Variants in CDC42SE2 observed in about 807,000 individuals in gnomAD.
CDC42SE2 encodes CDC42 small effector protein 2.
A neutral mutation model predicts 11.5 loss-of-function variants in CDC42SE2; 3 were observed. The ratio of observed to expected loss-of-function variants is 0.26; its 90% CI spans 0.12 to 0.67. The LOEUF is 0.67. CDC42SE2 is among the 30% of genes least tolerant of loss of function. CDC42SE2 has a pLI of 0.80. For synonymous variants in CDC42SE2, 33 were observed against 34.8 expected (o/e 0.95, Z 0.18); for missense variants, 82 against 106.8 (o/e 0.77, Z 1.02).
chr5:131,242,760 G>A (rs937471982), upstream of CDC42SE2, among the ~76,000 whole-genome samples: 4 of 152,074 alleles, frequency 2.6e-5, no homozygotes, highest in African/African-American at 9.7e-5. Flanking sequence ...CTTACTGGAT[G>A]CTGGCCAACA....
chr5:131,339,178 G>A (rs906869717), intron 2 of CDC42SE2, among the ~76,000 whole-genome samples: 2 of 148,570 alleles, frequency 1.3e-5, no homozygotes, highest in African/African-American at 5.0e-5. Context: ...AACCCAGGAG[G>A]TGGAGGTTGC....
intron 2 of CDC42SE2, among the ~76,000 whole-genome samples, chr5:131,350,232 A>G (rs568685696): frequency 1.5e-4 from 23 of 152,204 alleles, no homozygotes; most frequent in South Asian, 1.2e-3. Flanking sequence ...ATTTTTAAAA[A>G]AAGATTAAAA....
At chr5:131,243,692 T>G (rs2149681281), upstream of CDC42SE2, among the ~76,000 whole-genome samples, 1 of 152,360 alleles carries the variant, frequency 6.6e-6, no homozygotes, top group African/African-American at 2.4e-5. Flanking sequence ...ATTTGGTCAT[T>G]CCTAAAACAA....
chr5:131,296,896 T>A (rs1352738798), intron 1 of CDC42SE2, among the ~76,000 whole-genome samples: 2 of 152,124 alleles, frequency 1.3e-5, no homozygotes, highest in Non-Finnish European at 2.9e-5. Flanking sequence ...TTCTTTTTTT[T>A]ATTGAAGATT....
At chr5:131,301,643 A>G (rs1416488066) in intron 1 of CDC42SE2, among the ~76,000 whole-genome samples, 2 of 151,876 alleles carry the variant, frequency 1.3e-5, no homozygotes, top group East Asian at 3.9e-4. Context: ...CTGTAATTCC[A>G]GCTACTCGGG....
At chr5:131,272,386 G>A (rs374325304) in intron 1 of CDC42SE2, among the ~76,000 whole-genome samples, 3 of 151,962 alleles carry the variant, frequency 2.0e-5, no homozygotes, top group African/African-American at 2.4e-5. Flanking sequence ...AATACCTCTC[G>A]TCAAACCTCT....
At chr5:131,332,760 T>G in intron 2 of CDC42SE2, among the ~76,000 whole-genome samples, 1 of 152,222 alleles carries the variant, frequency 6.6e-6, no homozygotes, top group Non-Finnish European at 1.5e-5. Flanking sequence ...GCTGCATAAA[T>G]GTCTTCTTTT....
In CDC42SE2 at chr5:131,290,463, T is replaced by A. The variant is rs369824897; in HGVS notation, c.-454-25513T>A. On this transcript the variant is annotated intron_variant, in intron 1 of 4. Coordinates refer to ENST00000505065, the MANE Select transcript of CDC42SE2 (RefSeq NM_001375635.1). Reference sequence around the variant, plus strand: ...AGAAACTGTATAACTGGCTGCTTCTTTTTTCTTTCTTTTTTTTTTTTTGTT... The same window carrying A: ...AGAAACTGTATAACTGGCTGCTTCTATTTTCTTTCTTTTTTTTTTTTTGTT... 3.4e-4 allele frequency among the ~76,000 whole-genome samples: 52 copies of A among 151,016 alleles called. 1 individual carries two copies. In the South Asian group the frequency reaches 0.01, roughly 30 times the overall value.
At chr5:131,310,837 C>G (rs1419278546) in intron 1 of CDC42SE2, among the ~76,000 whole-genome samples, 1 of 151,892 alleles carries the variant, frequency 6.6e-6, no homozygotes, top group Non-Finnish European at 1.5e-5. Context: ...GTATGTGTGT[C>G]TCTGCACGTG....
intron 1 of CDC42SE2, among the ~76,000 whole-genome samples, chr5:131,247,344 C>T (rs1036460478): frequency 1.3e-5 from 2 of 152,038 alleles, no homozygotes; most frequent in East Asian, 3.9e-4. Flanking sequence ...AACAGCCGGG[C>T]GAGGTGGCTC....
chr5:131,238,332 C>A, the CDC42SE2 span, among the ~76,000 whole-genome samples: 1 of 151,978 alleles, frequency 6.6e-6, no homozygotes, highest in South Asian at 2.1e-4. Flanking sequence ...CCCGTCTCTA[C>A]TAAAACTACG....
intron 2 of CDC42SE2, among the ~76,000 whole-genome samples, chr5:131,353,324 C>G (rs1259900387): frequency 6.6e-6 from 1 of 151,216 alleles, no homozygotes; most frequent in Non-Finnish European, 1.5e-5. Flanking sequence ...TTCTGTTGCC[C>G]GGGCTGGAGT....
the CDC42SE2 span, among the ~76,000 whole-genome samples, chr5:131,213,434 T>C: frequency 6.6e-6 from 1 of 152,104 alleles, no homozygotes; most frequent in Non-Finnish European, 1.5e-5. Context: ...ATTTTTTTCT[T>C]TTTATTTTCT....
chr5:131,212,296 C>T, the CDC42SE2 span, among the ~76,000 whole-genome samples: 6 of 151,964 alleles, frequency 3.9e-5, no homozygotes, highest in East Asian at 1.9e-4. Flanking sequence ...TTAGCAGAGA[C>T]GGGGTTTTAC....
intron 3 of CDC42SE2, among the ~76,000 whole-genome samples, chr5:131,383,099 G>A (rs1750371105): frequency 6.6e-6 from 1 of 152,194 alleles, no homozygotes; most frequent in Non-Finnish European, 1.5e-5. Flanking sequence ...AACTGAGTCT[G>A]TGAAAAAGAT....
At chr5:131,386,836 A>T (rs1750501712) in intron 4 of CDC42SE2, among the ~76,000 whole-genome samples, 1 of 152,122 alleles carries the variant, frequency 6.6e-6, no homozygotes, top group Non-Finnish European at 1.5e-5. Flanking sequence ...GATCCACTGT[A>T]TACCAACTTA....
At chr5:131,312,291 G>C (rs1259133586) in intron 1 of CDC42SE2, among the ~76,000 whole-genome samples, 1 of 152,154 alleles carries the variant, frequency 6.6e-6, no homozygotes, top group Admixed American at 6.5e-5. Flanking sequence ...TGAGGAGGCA[G>C]TCTGCCCGTT....
intron 1 of CDC42SE2, among the ~76,000 whole-genome samples, chr5:131,271,203 A>G (rs993081542): frequency 1.3e-5 from 2 of 152,182 alleles, no homozygotes; most frequent in Non-Finnish European, 2.9e-5. Flanking sequence ...TCTTTAAGGT[A>G]GTTCTATAAC....
At chr5:131,384,530 A>G (rs183623858) in intron 3 of CDC42SE2, among the ~76,000 whole-genome samples, 6 of 152,316 alleles carry the variant, frequency 3.9e-5, no homozygotes, top group African/African-American at 1.2e-4. Context: ...GCAGAGCCCC[A>G]TAGTAGGACA....
Sources: allele counts gnomAD v4.1 joint callset (sites outside exome capture counted in the v4.1 genomes callset), GRCh38; gene constraint gnomAD v4.1.1; transcripts MANE v1.5; gene names NCBI Gene and HGNC (gene_info 2026-07-23, HGNC 2026-07-21).